PRDM5: variants seen among roughly 807,000 people sequenced by gnomAD.
PRDM5 encodes PR domain zinc finger protein 5.
PRDM5 carries 56 observed loss-of-function variants against 81.2 expected under a neutral mutation model. The ratio of observed to expected loss-of-function variants is 0.69; its 90% CI spans 0.56 to 0.86. PRDM5 has a LOEUF of 0.86. Ranked by LOEUF, PRDM5 falls within the 40% of genes least tolerant of loss-of-function variation. The pLI, the probability that PRDM5 is intolerant of heterozygous loss-of-function variation, is 0.00. For synonymous variants in PRDM5, 267 were observed against 256.4 expected (o/e 1.04, Z -0.39); for missense variants, 697 against 770.1 (o/e 0.91, Z 1.12).
intron 4 of PRDM5, among the ~76,000 whole-genome samples, chr4:120,820,817 C>T (rs1290057362): frequency 1.3e-5 from 2 of 152,178 alleles, no homozygotes; most frequent in African/African-American, 4.8e-5. Context: ...AGCAACTTGC[C>T]CAACGTTACA....
Position 120,818,512 on chromosome 4 carries a change from T to C in PRDM5, c.491A>G (p.Lys164Arg). The C allele has an allele frequency of 6.2e-7, 1 of 1,613,264 alleles. No homozygotes were observed. The highest frequency in any genetic ancestry group is 8.5e-7 in the Non-Finnish European group (1 of 1,179,262). ...ACATTGAGGACAAGCATAGTCCTCT[T>C]TACAGCCAAGGCGATCTGCACATTC... is the stretch of plus-strand genomic sequence containing the variant. ...TAGRKDRLGC[K>R]EDYACPQCES... Residue 164 changes from lysine (K) to arginine (R), a missense_variant, in exon 5 of 16, where the codon AAA becomes AGA. This residue lies in a region of PRDM5 where 577 missense variants were observed against 606.7 expected (regional missense o/e 0.95). Coordinates refer to ENST00000264808, the MANE Select transcript of PRDM5 (RefSeq NM_018699.4).
intron 1 of PRDM5, among the ~76,000 whole-genome samples, chr4:120,914,416 C>A (rs1010915023): frequency 2.6e-5 from 4 of 152,076 alleles, no homozygotes; most frequent in Non-Finnish European, 4.4e-5. Context: ...ATCCAGGAAA[C>A]CTCACATATA....
At chr4:120,753,103 G>T (rs747825080) in intron 14 of PRDM5, among the ~76,000 whole-genome samples, 2 of 152,174 alleles carry the variant, frequency 1.3e-5, no homozygotes, top group Non-Finnish European at 2.9e-5. Flanking sequence ...AACATCATAT[G>T]TAAATTTCTG....
chr4:120,751,385 C>G (rs1413626096), intron 14 of PRDM5, among the ~76,000 whole-genome samples: 1 of 148,044 alleles, frequency 6.8e-6, no homozygotes, highest in Non-Finnish European at 1.5e-5. Context: ...TTTAAAAATG[C>G]AAATGAAACA....
At chr4:120,911,061 C>T (rs575886402) in intron 1 of PRDM5, among the ~76,000 whole-genome samples, 1 of 152,290 alleles carries the variant, frequency 6.6e-6, no homozygotes, top group South Asian at 2.1e-4. Flanking sequence ...GTCACCACCT[C>T]AAACACTTAC....
At chr4:120,778,214 T>C (rs940869987) in intron 12 of PRDM5, among the ~76,000 whole-genome samples, 27 of 152,222 alleles carry the variant, frequency 1.8e-4, no homozygotes, top group African/African-American at 6.3e-4. Context: ...ATTAATGTTA[T>C]CATCTAGGTT....
At chr4:120,730,463 T>G (rs1051031190) in intron 14 of PRDM5, among the ~76,000 whole-genome samples, 7 of 152,154 alleles carry the variant, frequency 4.6e-5, no homozygotes, top group African/African-American at 1.7e-4. Context: ...TGAAATCCAT[T>G]AATGGGATCT....
At chr4:120,774,405 C>T (rs1553963808) in intron 13 of PRDM5, among the ~76,000 whole-genome samples, 4 of 152,194 alleles carry the variant, frequency 2.6e-5, no homozygotes, top group Non-Finnish European at 5.9e-5. Flanking sequence ...GGAAAAGTAA[C>T]ACAGGGAGAA....
intron 2 of PRDM5, chr4:120,896,657 T>TCACACACACA (rs374407164): frequency 6.9e-5 from 10 of 144,902 alleles, no homozygotes; most frequent in African/African-American, 2.5e-4. Flanking sequence ...CTTAAATATT[T>TCACACACACA]CACACACACA....
intron 3 of PRDM5, among the ~76,000 whole-genome samples, chr4:120,846,764 A>C (rs1304874105): frequency 5.3e-5 from 8 of 152,176 alleles, no homozygotes. Flanking sequence ...TCAACTCATA[A>C]AGAAGAGCAG....
intron 4 of PRDM5, 26 bp from the exon 5 acceptor site, chr4:120,818,553 C>T (rs370672926): frequency 6.3e-7 from 1 of 1,596,696 alleles, no homozygotes; most frequent in Non-Finnish European, 8.6e-7. Context: ...GAAACATATT[C>T]ATGAGACAAA....
At chr4:120,893,294 G>A (rs77467186) in intron 2 of PRDM5, among the ~76,000 whole-genome samples, 9,459 of 152,252 alleles carry the variant, frequency 0.062, 382 homozygotes, top group East Asian at 0.15. Context: ...ACAGACTGGT[G>A]TCCAGCTTTA....
At chr4:120,898,684 A>C (rs1764921401) in intron 2 of PRDM5, among the ~76,000 whole-genome samples, 1 of 152,218 alleles carries the variant, frequency 6.6e-6, no homozygotes, top group Non-Finnish European at 1.5e-5. Context: ...AGTTGTTATC[A>C]GCAGTAATAT....
At chr4:120,876,980 T>A (rs557431840) in intron 2 of PRDM5, among the ~76,000 whole-genome samples, 7 of 152,288 alleles carry the variant, frequency 4.6e-5, no homozygotes, top group Non-Finnish European at 8.8e-5. Context: ...AAACTCTAAA[T>A]AGGTGTCTTA....
intron 2 of PRDM5, among the ~76,000 whole-genome samples, chr4:120,877,522 G>A (rs1384763417): frequency 1.3e-5 from 2 of 152,078 alleles, no homozygotes; most frequent in Non-Finnish European, 2.9e-5. Flanking sequence ...AAAATAAACG[G>A]GGCCGGGTGC....
At chr4:120,879,890 A>G (rs1434319154) in intron 2 of PRDM5, among the ~76,000 whole-genome samples, 2 of 152,124 alleles carry the variant, frequency 1.3e-5, no homozygotes, top group African/African-American at 4.8e-5. Flanking sequence ...GGACGAATAG[A>G]GTACAGGAAA....
intron 14 of PRDM5, among the ~76,000 whole-genome samples, chr4:120,719,452 C>T (rs1324424160): frequency 6.6e-6 from 1 of 152,082 alleles, no homozygotes. Context: ...TTATCATAGA[C>T]CAGAAATAAA....
rs1025818389 is a variant in PRDM5, at chr4:120,693,561, A to C, written c.*1550T>G. ...TTTAGGATTTATGTTTTTAAAAGTT[A>C]TCTCTTCTGAGTTTCAAATTTAGTA... On this transcript the variant is annotated 3_prime_UTR_variant, in exon 16 of 16. Transcript: ENST00000264808. The C allele has an allele frequency of 6.6e-6, 1 of 152,150 alleles. No homozygotes were observed. The highest frequency in any genetic ancestry group is 1.5e-5 in the Non-Finnish European group (1 of 68,010). The allele number at this position is 152,150 out of a possible 1,614,324, so 9.4% of individuals were successfully genotyped here.
intron 1 of PRDM5, among the ~76,000 whole-genome samples, chr4:120,910,574 T>C (rs1466651046): frequency 6.6e-6 from 1 of 152,210 alleles, no homozygotes; most frequent in Non-Finnish European, 1.5e-5. Flanking sequence ...ATAAGCCTCT[T>C]CTACCTCAGT....
Sources: allele counts gnomAD v4.1 joint callset (sites outside exome capture counted in the v4.1 genomes callset), GRCh38; gene constraint gnomAD v4.1.1; regional missense constraint gnomAD v4.1.1; transcripts MANE v1.5; gene names NCBI Gene and HGNC (gene_info 2026-07-23, HGNC 2026-07-21).